The following HPRT1 variants were observed in gnomAD, a reference collection of about 807,000 sequenced individuals.
HPRT1 encodes hypoxanthine-guanine phosphoribosyltransferase.
Under a neutral mutation model 19.0 loss-of-function variants are expected in HPRT1, and 4 were observed. The ratio of observed to expected loss-of-function variants is 0.21; its 90% CI spans 0.10 to 0.48. The LOEUF (loss-of-function observed/expected upper bound fraction) is 0.48. Among genes scored for constraint, HPRT1 ranks in the 20% least tolerant of loss-of-function variants. HPRT1 has a pLI of 0.98. For missense variants in HPRT1, 65 were observed against 164.0 expected, an observed-to-expected ratio of 0.40 and a Z score of 3.30; for synonymous variants, 53 against 54.9, an observed-to-expected ratio of 0.97 and a Z score of 0.15.
intron 1 of HPRT1, among the ~76,000 whole-genome samples, chrX:134,467,504 G>C (rs1157451985): frequency 8.9e-6 from 1 of 112,064 alleles, no homozygotes; most frequent in Non-Finnish European, 1.9e-5. Flanking sequence ...TCCTGTCAAA[G>C]CAGCCACTGG....
At position 134,493,484 on chromosome X, in the gene HPRT1, A is replaced by G; in HGVS notation, c.403-24A>G. ...ATATTGTGACTCTGAATTTAAAGCT[A>G]TGCAATGTCTTCTTTTTTGAAAGGA... On this transcript the variant is annotated intron_variant, in intron 5 of 8. Coordinates refer to ENST00000298556, the MANE Select transcript of HPRT1 (RefSeq NM_000194.3). 2 of 1,088,934 alleles carry G rather than the reference A, an allele frequency of 1.8e-6. 1 individual carries two copies. The highest frequency in any genetic ancestry group is 3.7e-5 in the South Asian group (2 of 54,482). The allele number at this position is 1,088,934 out of a possible 1,213,427, so 89.7% of individuals were successfully genotyped here.
At chrX:134,491,825 A>G (rs1179140019) in intron 5 of HPRT1, among the ~76,000 whole-genome samples, 4 of 106,699 alleles carry the variant, frequency 3.7e-5, no homozygotes, top group Non-Finnish European at 5.8e-5. Context: ...TCTGCCTCCC[A>G]GGTTCAAGCA....
intron 6 of HPRT1, among the ~76,000 whole-genome samples, chrX:134,496,957 G>A (rs1432454256): frequency 2.7e-5 from 3 of 111,771 alleles, no homozygotes; most frequent in Non-Finnish European, 5.6e-5. Context: ...TCTTGAGACT[G>A]CCTTTAACAT....
chrX:134,469,180 C>G (rs955293913), intron 1 of HPRT1, among the ~76,000 whole-genome samples: 4 of 110,741 alleles, frequency 3.6e-5, no homozygotes, highest in African/African-American at 9.9e-5. Flanking sequence ...AAATTAGAAC[C>G]CCCCCAATAT....
chrX:134,481,079 C>G (rs1260050556), intron 3 of HPRT1, among the ~76,000 whole-genome samples: 4 of 109,702 alleles, frequency 3.6e-5, no homozygotes, highest in Admixed American at 2.0e-4. Context: ...ACGTATCCCT[C>G]AACTCACATA....
intron 1 of HPRT1, among the ~76,000 whole-genome samples, chrX:134,471,963 G>GTTTGT (rs1311632156): frequency 6.5e-5 from 7 of 107,506 alleles, no homozygotes; most frequent in South Asian, 3.9e-4. Context: ...GGTTTTTTTT[G>GTTTGT]TTTGTTTTGT....
intron 1 of HPRT1, among the ~76,000 whole-genome samples, chrX:134,463,962 T>C (rs1422942595): frequency 8.9e-6 from 1 of 112,246 alleles, no homozygotes; most frequent in Non-Finnish European, 1.9e-5. Flanking sequence ...CAAATTGTTA[T>C]GGAACTACTG....
At chrX:134,498,205 T>TG (rs1298957702) in intron 6 of HPRT1, among the ~76,000 whole-genome samples, 185 bp from the exon 7 acceptor site, 5 of 112,154 alleles carry the variant, frequency 4.5e-5, no homozygotes, top group Non-Finnish European at 7.5e-5. Context: ...AACTCATTGC[T>TG]GCCCCTTCCT....
At chrX:134,492,859 A>G (rs1382282477) in intron 5 of HPRT1, among the ~76,000 whole-genome samples, 1 of 111,376 alleles carries the variant, frequency 9.0e-6, no homozygotes, top group African/African-American at 3.3e-5. Flanking sequence ...AGGAATTTTG[A>G]GAGCCATCAG....
At chrX:134,486,810 A>C (rs768059716) in intron 4 of HPRT1, 1 of 250,375 alleles carries the variant, frequency 4.0e-6, no homozygotes, top group African/African-American at 3.0e-5. Flanking sequence ...GGGGGAAAAG[A>C]TAGCCTTTAA....
At chrX:134,487,132 T>C (rs955685569) in intron 4 of HPRT1, among the ~76,000 whole-genome samples, 4 of 111,754 alleles carry the variant, frequency 3.6e-5, no homozygotes, top group African/African-American at 1.3e-4. Context: ...CATACTATTA[T>C]TTTAAGAAAT....
At chrX:134,464,647 G>A (rs905924315) in intron 1 of HPRT1, among the ~76,000 whole-genome samples, 2 of 110,539 alleles carry the variant, frequency 1.8e-5, no homozygotes, top group Non-Finnish European at 3.8e-5. Context: ...ATGCAATCTC[G>A]GCTCACTCTA....
intron 3 of HPRT1, among the ~76,000 whole-genome samples, chrX:134,482,140 G>C (rs2077642163): frequency 9.0e-6 from 1 of 111,126 alleles, no homozygotes; most frequent in South Asian, 3.9e-4. Context: ...TTGCAGTCTT[G>C]ACCTCCCAGG....
chrX:134,484,523 G>A (rs1329535036), intron 3 of HPRT1, among the ~76,000 whole-genome samples: 3 of 112,126 alleles, frequency 2.7e-5, no homozygotes, highest in Non-Finnish European at 5.6e-5. Flanking sequence ...ATAAATGGAT[G>A]TATATATAGA....
chrX:134,481,427 AC>A (rs770018386), intron 3 of HPRT1, among the ~76,000 whole-genome samples: 110 of 111,298 alleles, frequency 9.9e-4, no homozygotes, highest in African/African-American at 3.5e-3. Context: ...ACACTAGTTT[AC>A]CTAGAACTTA....
At chrX:134,475,047 A>ATT (rs1404583296) in intron 2 of HPRT1, 134 bp from the exon 3 acceptor site, 66 of 412,925 alleles carry the variant, frequency 1.6e-4, no homozygotes, top group Admixed American at 3.3e-4. Flanking sequence ...TGCCTGGCTA[A>ATT]TTTTTTTTTT....
At chrX:134,482,695 T>C (rs1458627148) in intron 3 of HPRT1, among the ~76,000 whole-genome samples, 1 of 111,972 alleles carries the variant, frequency 8.9e-6, no homozygotes, top group Non-Finnish European at 1.9e-5. Flanking sequence ...GTTTTTTTTT[T>C]AGTAATGTGT....
At chrX:134,481,899 T>C (rs2077641488) in intron 3 of HPRT1, among the ~76,000 whole-genome samples, 1 of 111,843 alleles carries the variant, frequency 8.9e-6, no homozygotes, top group Non-Finnish European at 1.9e-5. Flanking sequence ...TATACAGCCA[T>C]GAGAAGTGGT....
In HPRT1 at chrX:134,471,747, C is replaced by T. The variant is rs751586942; in HGVS notation, c.28-1612C>T. Among the ~76,000 whole-genome samples, 27 of 110,101 alleles carry T rather than the reference C, an allele frequency of 2.5e-4. No homozygotes were observed. In the South Asian group the frequency reaches 6.6e-3, roughly 27 times the overall value. On this transcript the variant is annotated intron_variant, in intron 1 of 8. Coordinates refer to ENST00000298556, the MANE Select transcript of HPRT1 (RefSeq NM_000194.3). ...CCTCCACCTCCCGGGCTCAGGTGAT[C>T]CTCCTGCTTCAGCCTCCCCAGTAAC...
Sources: gnomAD v4.1 joint callset for allele counts (sites outside exome capture counted in the v4.1 genomes callset) on GRCh38, gnomAD v4.1.1 for gene constraint, MANE v1.5 for transcripts, NCBI Gene and HGNC (gene_info 2026-07-23, HGNC 2026-07-21) for gene names.